Variants in IL32 observed in about 807,000 individuals in gnomAD.
The protein encoded by IL32 is interleukin-32.
A neutral mutation model predicts 16.6 loss-of-function variants in IL32; 30 were observed. The ratio of observed to expected loss-of-function variants is 1.81; its 90% CI spans 1.35 to 2.45. The LOEUF (loss-of-function observed/expected upper bound fraction) is 2.45. Ranked by LOEUF, IL32 falls within the 30% of genes most tolerant of loss-of-function variation. The pLI is 0.00. For synonymous variants in IL32, 70 were observed against 86.1 expected, an observed-to-expected ratio of 0.81 and a Z score of 1.03; for missense variants, 234 against 229.8, an observed-to-expected ratio of 1.02 and a Z score of -0.12.
intron 2 of IL32, among the ~76,000 whole-genome samples, chr16:3,066,630 G>A (rs1956339369): frequency 6.6e-6 from 1 of 152,172 alleles, no homozygotes; most frequent in Admixed American, 6.5e-5. Context: ...CTGCAGGCAG[G>A]AATGGCCCGG....
At chr16:3,065,961 A>T in intron 2 of IL32, 135 bp downstream of exon 2, 1 of 1,060,420 alleles carries the variant, frequency 9.4e-7, no homozygotes, top group Non-Finnish European at 1.5e-6. Context: ...GAGGATAGTG[A>T]TGGGGTGAGA....
At chr16:3,067,295 G>GTGTGTGTA (rs1956480649) in intron 2 of IL32, 82 bp from the exon 3 acceptor site, 1 of 697,908 alleles carries the variant, frequency 1.4e-6, no homozygotes, top group Non-Finnish European at 2.5e-6. Context: ...GTGTGTGTGT[G>GTGTGTGTA]TGTGTGTGTG....
chr16:3,068,534 AACT>A, intron 6 of IL32: 1 of 456,748 alleles, frequency 2.2e-6, no homozygotes, highest in Non-Finnish European at 4.0e-6. Flanking sequence ...GCTGGTCTTG[AACT>A]CCTAACCTTG....
At chr16:3,065,436 G>T, upstream of IL32, 1 of 323,452 alleles carries the variant, frequency 3.1e-6, no homozygotes, top group East Asian at 7.5e-5. Context: ...GGGAGCAGGG[G>T]CCCAGCCAGG....
intron 2 of IL32, 76 bp from the exon 3 acceptor site, chr16:3,067,301 G>C (rs1398743848): frequency 1.4e-6 from 1 of 719,322 alleles, no homozygotes; most frequent in East Asian, 2.5e-5. Context: ...GTGTGTGTGT[G>C]TGTGTGTGTA....
chr16:3,066,286 G>A (rs1049014203), intron 2 of IL32, among the ~76,000 whole-genome samples: 46 of 152,278 alleles, frequency 3.0e-4, no homozygotes, highest in African/African-American at 1.1e-3. Flanking sequence ...GGAGCTCTTC[G>A]GCCTGTGACA....
intron 3 of IL32, 32 bp from the exon 4 acceptor site, chr16:3,067,522 C>T (rs762269785): frequency 6.2e-7 from 1 of 1,614,044 alleles, no homozygotes; most frequent in South Asian, 1.1e-5. Context: ...AAGGATCCGG[C>T]CCTTTGGTGC....
chr16:3,065,535 C>G (rs1480116188), upstream of IL32: 3 of 578,836 alleles, frequency 5.2e-6, no homozygotes, highest in Non-Finnish European at 3.1e-6. Flanking sequence ...CTGTCTCTGT[C>G]TCTGTCTGTT....
At position 3,069,065 on chromosome 16, in the gene IL32, G is replaced by A; in HGVS notation, c.277G>A (p.Glu93Lys). Residue 93 changes from glutamate to lysine, a missense_variant, in exon 7 of 7, where the codon GAG (glutamate) becomes AAG (lysine). By Grantham distance (56) the Glu-to-Lys change is moderately conservative. Coordinates refer to ENST00000525643, the MANE Select transcript of IL32 (RefSeq NM_001376923.1). ...CAACAGATCCCCTGTCCCGGATGTT[G>A]AGGATCCCGCAACCGAGGAGCCTGG... The part of the protein sequence containing the change: ...RGNRSPVPDV[E>K]DPATEEPGES... 1 of 1,607,748 alleles carries A rather than the reference G, an allele frequency of 6.2e-7. No individual in the cohort carries two copies. Among genetic ancestry groups the A allele is most frequent in the Non-Finnish European group, 8.5e-7 (1 of 1,176,024 alleles).
At chr16:3,067,269 CTCTGTGTGTGTG>C (rs933185044) in intron 2 of IL32, 96 bp from the exon 3 acceptor site, 2 of 391,396 alleles carry the variant, frequency 5.1e-6, no homozygotes, top group Non-Finnish European at 8.5e-6. Flanking sequence ...TGCCATGTGT[CTCTGTGTGTGTG>C]TGTGTGTGTG....
Position 3,068,917 on chromosome 16 carries a change from A to T in IL32, c.202-73A>T, listed in dbSNP as rs113528935. The T allele has an allele frequency of 4.4e-4, 697 of 1,598,936 alleles. 7 individuals carry two copies. The African/African-American group carries it at 8.1e-3, about 19-fold the overall frequency. ...CTCCCAGGGTCAGGAAAAGGCTGAG[A>T]GGCCTGGGTGTGGCCAGGGCCTGGG... On this transcript the variant is annotated intron_variant, in intron 6 of 6. Transcript: ENST00000525643.
In IL32 at chr16:3,068,360, C is replaced by T. The variant is rs1956670309; in HGVS notation, c.201+121C>T. On this transcript the variant is annotated intron_variant, in intron 6 of 6. Coordinates refer to ENST00000525643, the MANE Select transcript of IL32 (RefSeq NM_001376923.1). ...TCGCTCTGTCGCCCAGGCTGGAGTG[C>T]AGTGGCATGATCTTGGCTCACTGCA... is the stretch of plus-strand genomic sequence containing the variant. 4 of 916,138 alleles carry T rather than the reference C, an allele frequency of 4.4e-6. No homozygotes were observed. In the African/African-American group the frequency reaches 5.0e-5, roughly 11 times the overall value. 56.8% of individuals were successfully genotyped at this position (916,138 alleles called of 1,614,324 possible).
Position 3,065,670 on chromosome 16 carries a change from G to T in IL32, c.-46G>T, listed in dbSNP as rs1956232632. The T allele has an allele frequency of 1.2e-6, 1 of 830,298 alleles. No individual in the cohort carries two copies. Among genetic ancestry groups the T allele is most frequent in the South Asian group, 1.4e-5 (1 of 72,980 alleles). The allele number at this position is 830,298 out of a possible 1,614,324, so 51.4% of individuals were successfully genotyped here. A position where few individuals can be genotyped will look rare whatever the true frequency, so the allele number is the denominator to read the frequency against. On this transcript the variant is annotated 5_prime_UTR_variant, in exon 1 of 7. Transcript: ENST00000525643. ...GCGTGCAGAAGGTGACTGTCTCAGT[G>T]GAGCTGGGTCATCTCAGGTGGGGAG...
intron 2 of IL32, 83 bp from the exon 3 acceptor site, chr16:3,067,294 T>TG: frequency 1.4e-6 from 1 of 712,102 alleles, no homozygotes; most frequent in Non-Finnish European, 2.5e-6. Flanking sequence ...TGTGTGTGTG[T>TG]GTGTGTGTGT....
rs117585555 is a variant in IL32 at position 3,067,674 on chromosome 16, G to C, written c.114+61G>C. 415 of 1,271,222 alleles carry C rather than the reference G, an allele frequency of 3.3e-4. 3 individuals are homozygous for C. In the East Asian group the frequency reaches 7.5e-3, roughly 23 times the overall value. 78.7% of individuals were successfully genotyped at this position (1,271,222 alleles called of 1,614,324 possible). A position where few individuals can be genotyped will look rare whatever the true frequency, so the allele number is the denominator to read the frequency against. ...TCCCCGCCCCCAGGCACTCCACCCTGTGTGGGGCTCAGGGTGAGAAGGATG... is the reference window on the plus strand; with the variant it reads ...TCCCCGCCCCCAGGCACTCCACCCTCTGTGGGGCTCAGGGTGAGAAGGATG... On this transcript the variant is annotated intron_variant, in intron 4 of 6. Transcript: ENST00000525643.
upstream of IL32, chr16:3,065,627 A>T (rs1554999): frequency 3.2e-5 from 23 of 716,540 alleles, no homozygotes; most frequent in Middle Eastern, 3.3e-4. Flanking sequence ...CCAGCTGAGT[A>T]TTTGTGCCAG....
chr16:3,065,913 C>T, intron 2 of IL32, 87 bp downstream of exon 2: 1 of 1,522,934 alleles, frequency 6.6e-7, no homozygotes, highest in South Asian at 1.1e-5. Context: ...CCCGAGGTGC[C>T]TGTGTGTCAG....
chr16:3,067,226 C>G (rs1956443842), intron 2 of IL32, 151 bp from the exon 3 acceptor site: 1 of 592,278 alleles, frequency 1.7e-6, no homozygotes, highest in African/African-American at 1.9e-5. Context: ...TGAGGGGCTC[C>G]TGGGACTGCT....
chr16:3,067,660 A>C, intron 4 of IL32, 47 bp downstream of exon 4: 1 of 1,383,336 alleles, frequency 7.2e-7, no homozygotes, highest in South Asian at 1.2e-5. Context: ...CCCCGCCCCC[A>C]GGCACTCCAC....
Sources: gnomAD v4.1 joint callset for allele counts (sites outside exome capture counted in the v4.1 genomes callset) on GRCh38, gnomAD v4.1.1 for gene constraint, MANE v1.5 for transcripts, NCBI Gene and HGNC (gene_info 2026-07-23, HGNC 2026-07-21) for gene names.